MIPOL1: variants seen among roughly 807,000 people sequenced by gnomAD.
The protein encoded by MIPOL1 is mirror-image polydactyly gene 1 protein.
Under a neutral mutation model 60.9 loss-of-function variants are expected in MIPOL1, and 57 were observed. The observed-to-expected ratio is 0.94, with a 90% confidence interval of 0.76 to 1.17. The LOEUF is 1.17. Ranked by LOEUF, MIPOL1 falls within the 50% of genes most tolerant of loss-of-function variation. The pLI is 0.00. For synonymous variants in MIPOL1, 179 were observed against 168.8 expected (o/e 1.06, Z -0.47); for missense variants, 551 against 511.6 (o/e 1.08, Z -0.74).
intron 9 of MIPOL1, among the ~76,000 whole-genome samples, chr14:37,344,911 T>C (rs1045877802): frequency 6.6e-6 from 1 of 151,178 alleles, no homozygotes; most frequent in African/African-American, 2.4e-5. Context: ...GCTCCTGTGG[T>C]CCTAGCTATT....
chr14:37,483,188 C>T (rs1392487157), intron 11 of MIPOL1, among the ~76,000 whole-genome samples: 3 of 150,490 alleles, frequency 2.0e-5, no homozygotes, highest in Non-Finnish European at 4.4e-5. Context: ...TCCTGACTCA[C>T]TCCAACCTCC....
chr14:37,308,279 A>T, intron 8 of MIPOL1, 70 bp from the exon 9 acceptor site: 1 of 1,320,526 alleles, frequency 7.6e-7, no homozygotes, highest in Non-Finnish European at 1.0e-6. Context: ...TGTGCCTATT[A>T]ATTAAAACCC....
chr14:37,495,986 T>A (rs993088564), intron 11 of MIPOL1, among the ~76,000 whole-genome samples: 1 of 149,744 alleles, frequency 6.7e-6, no homozygotes, highest in Non-Finnish European at 1.5e-5. Context: ...TTTGTTTTTT[T>A]CTTGTAAATT....
chr14:37,414,270 G>A (rs2093727087), intron 10 of MIPOL1, among the ~76,000 whole-genome samples: 1 of 152,078 alleles, frequency 6.6e-6, no homozygotes, highest in Non-Finnish European at 1.5e-5. Context: ...ATTTCCTAAA[G>A]GCATGAAACT....
chr14:37,208,703 C>T (rs1217499187), intron 1 of MIPOL1, among the ~76,000 whole-genome samples: 1 of 152,302 alleles, frequency 6.6e-6, no homozygotes, highest in Middle Eastern at 3.4e-3. Flanking sequence ...AAGTGATTCT[C>T]CTGCCTCAGC....
At chr14:37,263,793 TA>T (rs2082676623) in intron 3 of MIPOL1, among the ~76,000 whole-genome samples, 1 of 152,180 alleles carries the variant, frequency 6.6e-6, no homozygotes, top group Admixed American at 6.5e-5. Flanking sequence ...AGTGGATTAC[TA>T]AAGAGAGTTT....
chr14:37,542,158 A>G (rs564278876), intron 12 of MIPOL1, among the ~76,000 whole-genome samples: 1 of 152,312 alleles, frequency 6.6e-6, no homozygotes, highest in East Asian at 1.9e-4. Context: ...TTTCACTTTA[A>G]TCTTGTTTAA....
At chr14:37,356,654 G>A (rs960352887) in intron 9 of MIPOL1, among the ~76,000 whole-genome samples, 1 of 152,160 alleles carries the variant, frequency 6.6e-6, no homozygotes, top group African/African-American at 2.4e-5. Context: ...TATTCGGGTG[G>A]GAGTGACCCG....
intron 10 of MIPOL1, among the ~76,000 whole-genome samples, chr14:37,395,904 ATG>A (rs1201134491): frequency 6.6e-6 from 1 of 151,986 alleles, no homozygotes; most frequent in Non-Finnish European, 1.5e-5. Context: ...GTGAGTCCTT[ATG>A]TGTTAGATGA....
chr14:37,378,644 G>A (rs1268093589), intron 10 of MIPOL1, among the ~76,000 whole-genome samples: 1 of 144,650 alleles, frequency 6.9e-6, no homozygotes, highest in Non-Finnish European at 1.5e-5. Context: ...GGAGGAAAGG[G>A]AGGGAGGGAG....
intron 11 of MIPOL1, among the ~76,000 whole-genome samples, chr14:37,456,709 C>T (rs1487745802): frequency 7.2e-5 from 11 of 151,858 alleles, no homozygotes; most frequent in Admixed American, 7.2e-4. Flanking sequence ...TTTGTCACTT[C>T]CAAAAGTAAA....
intron 9 of MIPOL1, among the ~76,000 whole-genome samples, chr14:37,321,311 AT>A (rs1422961832): frequency 3.3e-5 from 5 of 151,894 alleles, no homozygotes; most frequent in Admixed American, 2.0e-4. Flanking sequence ...ATGTTGAAAT[AT>A]TTTTTAGTTT....
In MIPOL1 at chr14:37,202,055, C is replaced by G. The variant is rs554545934; in HGVS notation, c.-199+3951C>G. 1.3e-3 allele frequency among the ~76,000 whole-genome samples: 205 copies of G among 152,220 alleles called. 2 individuals carry two copies. The highest frequency in any genetic ancestry group is 2.5e-3 in the Non-Finnish European group (169 of 68,012). On this transcript the variant is annotated intron_variant, in intron 1 of 12. Transcript: ENST00000684589. ...TACCTTTGTTGTCCGGTCTAGTATC[C>G]AACCCCTGGCCTCAGGTCCTCCTGC...
At chr14:37,337,461 C>T (rs1299069740) in intron 9 of MIPOL1, among the ~76,000 whole-genome samples, 1 of 143,290 alleles carries the variant, frequency 7.0e-6, no homozygotes, top group East Asian at 2.1e-4. Context: ...CTCCGCCTCC[C>T]AGGTTCTAGT....
chr14:37,496,245 C>T (rs1816769903), intron 11 of MIPOL1, among the ~76,000 whole-genome samples: 1 of 137,148 alleles, frequency 7.3e-6, no homozygotes, highest in Non-Finnish European at 1.6e-5. Flanking sequence ...TGGCACAAGA[C>T]AGGGATGCCC....
intron 11 of MIPOL1, among the ~76,000 whole-genome samples, chr14:37,428,204 T>C (rs1307442580): frequency 6.6e-6 from 1 of 152,154 alleles, no homozygotes; most frequent in Non-Finnish European, 1.5e-5. Flanking sequence ...GACTCTCAAC[T>C]CTCCAACAGC....
intron 10 of MIPOL1, among the ~76,000 whole-genome samples, chr14:37,394,145 G>A (rs1006825079): frequency 2.8e-5 from 4 of 142,746 alleles, no homozygotes; most frequent in African/African-American, 7.7e-5. Flanking sequence ...TGATTGATGG[G>A]TATTTGGGTT....
At chr14:37,244,517 C>T (rs545404321) in intron 1 of MIPOL1, among the ~76,000 whole-genome samples, 6 of 151,724 alleles carry the variant, frequency 4.0e-5, no homozygotes, top group East Asian at 1.9e-4. Flanking sequence ...AACAGCTGCT[C>T]ATATATCCTC....
chr14:37,392,219 G>A (rs1210386121), intron 10 of MIPOL1, among the ~76,000 whole-genome samples: 1 of 121,862 alleles, frequency 8.2e-6, no homozygotes, highest in African/African-American at 3.1e-5. Flanking sequence ...TGTGTCTCCA[G>A]TTATTTAGGT....
Sources: gnomAD v4.1 joint callset for allele counts (sites outside exome capture counted in the v4.1 genomes callset) on GRCh38, gnomAD v4.1.1 for gene constraint, MANE v1.5 for transcripts, NCBI Gene and HGNC (gene_info 2026-07-23, HGNC 2026-07-21) for gene names.